Variants in TNFSF13B observed in about 807,000 individuals in gnomAD.
TNFSF13B encodes TNF superfamily member 13b.
Under a neutral mutation model 29.1 loss-of-function variants are expected in TNFSF13B, and 8 were observed. The observed-to-expected ratio is 0.27, with a 90% CI of 0.16 to 0.50. TNFSF13B has a LOEUF of 0.50. Among genes scored for constraint, TNFSF13B ranks in the 20% least tolerant of loss-of-function variants. The pLI is 0.98. For missense variants in TNFSF13B, 248 were observed against 334.9 expected (o/e 0.74, Z 2.03); for synonymous variants, 125 against 130.8 (o/e 0.96, Z 0.30).
intron 2 of TNFSF13B, among the ~76,000 whole-genome samples, chr13:108,282,031 C>T (rs1290027197): frequency 6.6e-6 from 1 of 151,962 alleles, no homozygotes; most frequent in African/African-American, 2.4e-5. Context: ...ATAAGTTTTG[C>T]AGAAATGAAA....
intron 2 of TNFSF13B, among the ~76,000 whole-genome samples, chr13:108,283,962 G>A (rs936417586): frequency 6.6e-6 from 1 of 152,136 alleles, no homozygotes; most frequent in Non-Finnish European, 1.5e-5. Flanking sequence ...ATAGGAATTT[G>A]GGGGCAACAC....
At chr13:108,280,909 G>T (rs1016102139) in intron 2 of TNFSF13B, among the ~76,000 whole-genome samples, 2 of 152,122 alleles carry the variant, frequency 1.3e-5, no homozygotes, top group Admixed American at 1.3e-4. Context: ...TTTGAGGCCG[G>T]GCGTGGTACC....
chr13:108,278,567 T>C (rs1020684369), intron 2 of TNFSF13B, among the ~76,000 whole-genome samples: 1 of 41,132 alleles, frequency 2.4e-5, no homozygotes, highest in Non-Finnish European at 6.1e-5. Flanking sequence ...GCTTTCTTCC[T>C]ACCCCCTCCT....
At chr13:108,299,444 G>A (rs1467664192) in intron 3 of TNFSF13B, among the ~76,000 whole-genome samples, 1 of 109,442 alleles carries the variant, frequency 9.1e-6, no homozygotes. Flanking sequence ...AATGGATGTG[G>A]ACTGCAGTTG....
At chr13:108,280,090 T>G (rs1880892115) in intron 2 of TNFSF13B, among the ~76,000 whole-genome samples, 1 of 147,660 alleles carries the variant, frequency 6.8e-6, no homozygotes, top group Non-Finnish European at 1.5e-5. Flanking sequence ...TTTTTTTTGC[T>G]GTTCTTAGCA....
At chr13:108,285,850 C>T (rs1227096891) in intron 2 of TNFSF13B, among the ~76,000 whole-genome samples, 1 of 152,180 alleles carries the variant, frequency 6.6e-6, no homozygotes, top group East Asian at 1.9e-4. Flanking sequence ...CTAAAACATG[C>T]AAGCTTAGAT....
chr13:108,282,477 A>G (rs1880984863), intron 2 of TNFSF13B, among the ~76,000 whole-genome samples: 1 of 152,226 alleles, frequency 6.6e-6, no homozygotes, highest in Non-Finnish European at 1.5e-5. Flanking sequence ...ATACTTCAAA[A>G]GGTGGCCTTT....
At chr13:108,277,742 A>G (rs933140215) in intron 2 of TNFSF13B, among the ~76,000 whole-genome samples, 2 of 152,134 alleles carry the variant, frequency 1.3e-5, no homozygotes, top group Admixed American at 6.6e-5. Flanking sequence ...ATATAGTGTA[A>G]CTTCCTGACA....
At position 108,269,838 on chromosome 13, in the gene TNFSF13B, TC is replaced by T. The variant is rs1880558011; in HGVS notation, c.-56del. On this transcript the variant is annotated 5_prime_UTR_variant, in exon 1 of 6. The change creates a premature stop within an existing upstream ORF in the 5' untranslated region. Transcript: ENST00000375887. ...AACAAACACAGATAACAGGAAATGA[TC>T]CATTCCCTGTGGTCACTTATTCTAA... is the stretch of plus-strand genomic sequence containing the variant. 7.0e-7 allele frequency: 1 copy of T among 1,423,796 alleles called. No individual in the cohort carries two copies. The highest frequency in any genetic ancestry group is 1.3e-5 in the South Asian group (1 of 77,138). 88.2% of individuals were successfully genotyped at this position (1,423,796 alleles called of 1,614,324 possible). A position where few individuals can be genotyped will look rare whatever the true frequency, so the allele number is the denominator to read the frequency against.
At chr13:108,296,213 A>T (rs749706235) in intron 3 of TNFSF13B, among the ~76,000 whole-genome samples, 1 of 145,690 alleles carries the variant, frequency 6.9e-6, no homozygotes, top group Admixed American at 6.8e-5. Flanking sequence ...AGCTGTTACT[A>T]TAGAAATGTC....
chr13:108,306,367 T>C (rs1881775588), intron 5 of TNFSF13B, among the ~76,000 whole-genome samples: 1 of 152,078 alleles, frequency 6.6e-6, no homozygotes, highest in Non-Finnish European at 1.5e-5. Context: ...TTAATATTTA[T>C]GCTTTTCATT....
Position 108,270,120 on chromosome 13 carries a change from C to T in TNFSF13B, c.225C>T (p.Asp75=), listed in dbSNP as rs533609815. The T allele has an allele frequency of 6.2e-7, 1 of 1,602,614 alleles. No individual in the cohort carries two copies. Among genetic ancestry groups the T allele is most frequent in the South Asian group, 1.1e-5 (1 of 91,064 alleles). Residue 75 remains aspartate, a synonymous_variant, in exon 1 of 6, where the codon GAC becomes GAT. Coordinates refer to ENST00000375887, the MANE Select transcript of TNFSF13B (RefSeq NM_006573.5). ...SFYQVAALQG[D]LASLRAELQG... ...ACCAGGTGGCCGCCCTGCAAGGGGA[C>T]CTGGCCAGCCTCCGGGCAGAGCTGC...
chr13:108,269,644 A>G, upstream of TNFSF13B: 2 of 425,116 alleles, frequency 4.7e-6, no homozygotes, highest in Non-Finnish European at 4.2e-6. Context: ...TCTTACAAAA[A>G]CTGAAAGTGA....
chr13:108,297,197 A>G (rs1306762459), intron 3 of TNFSF13B, among the ~76,000 whole-genome samples: 1 of 145,680 alleles, frequency 6.9e-6, no homozygotes, highest in East Asian at 1.9e-4. Context: ...TTCACATTTT[A>G]AGGATATTTT....
rs544808434 is a variant in TNFSF13B at position 108,299,732 on chromosome 13, A to G, written c.482-3521A>G. 2.3e-3 allele frequency among the ~76,000 whole-genome samples: 350 copies of G among 152,122 alleles called. 1 individual carries two copies. Among genetic ancestry groups the G allele is most frequent in the Admixed American group, 3.5e-3 (54 of 15,284 alleles). On this transcript the variant is annotated intron_variant, in intron 3 of 5. Transcript: ENST00000375887. The stretch of plus-strand genomic sequence containing the variant: ...CTGTCTGCAGTTAAACTTAGTCTTT[A>G]CCTCCTGTTTGCAGAGAGCCCAGGT...
intron 3 of TNFSF13B, among the ~76,000 whole-genome samples, chr13:108,290,975 C>T (rs1179779913): frequency 6.6e-6 from 1 of 151,896 alleles, no homozygotes; most frequent in Non-Finnish European, 1.5e-5. Flanking sequence ...GAGGGCATCA[C>T]AGTCTTTTTT....
At chr13:108,306,418 A>ATG (rs1481334059) in intron 5 of TNFSF13B, among the ~76,000 whole-genome samples, 3 of 152,096 alleles carry the variant, frequency 2.0e-5, no homozygotes, top group East Asian at 3.9e-4. Context: ...TAGTATATAT[A>ATG]TGTGTGTGTA....
At chr13:108,297,611 T>A (rs956136445) in intron 3 of TNFSF13B, among the ~76,000 whole-genome samples, 1 of 146,050 alleles carries the variant, frequency 6.8e-6, no homozygotes, top group Non-Finnish European at 1.5e-5. Context: ...CCTGGGGGTC[T>A]CTTATAATCT....
chr13:108,273,411 T>C (rs1011421972), intron 2 of TNFSF13B, among the ~76,000 whole-genome samples: 2 of 152,188 alleles, frequency 1.3e-5, no homozygotes, highest in East Asian at 1.9e-4. Flanking sequence ...TATCATAAAA[T>C]ATACACAAAA....
Sources: allele counts gnomAD v4.1 joint callset (sites outside exome capture counted in the v4.1 genomes callset), GRCh38; gene constraint gnomAD v4.1.1; transcripts MANE v1.5; gene names NCBI Gene and HGNC (gene_info 2026-07-23, HGNC 2026-07-21).